MAGI1: variants seen among roughly 807,000 people sequenced by gnomAD.
MAGI1 encodes membrane associated guanylate kinase, WW and PDZ domain containing 1, also known as membrane-associated guanylate kinase, WW and PDZ domain-containing protein 1.
MAGI1 carries 58 observed loss-of-function variants against 139.9 expected under a neutral mutation model. The ratio of observed to expected loss-of-function variants is 0.41; its 90% CI spans 0.34 to 0.52. MAGI1 has a LOEUF of 0.52. Among genes scored for constraint, MAGI1 ranks in the 20% least tolerant of loss-of-function variants. The pLI is 0.12. For synonymous variants in MAGI1, 812 were observed against 737.9 expected (o/e 1.10, Z -1.63); for missense variants, 1,874 against 1,901.6 (o/e 0.99, Z 0.27).
chr3:65,508,731 G>T (rs973528086), intron 2 of MAGI1, among the ~76,000 whole-genome samples: 8 of 152,156 alleles, frequency 5.3e-5, no homozygotes, highest in African/African-American at 1.4e-4. Context: ...AAAAGGAAAT[G>T]GATACCTTTG....
At chr3:65,478,906 G>A in intron 3 of MAGI1, 108 bp from the exon 4 acceptor site, 1 of 791,892 alleles carries the variant, frequency 1.3e-6, no homozygotes, top group Non-Finnish European at 2.1e-6. Flanking sequence ...AATTAAACTA[G>A]AAAACCAGAA....
At chr3:65,725,761 G>A (rs1221955321) in intron 1 of MAGI1, among the ~76,000 whole-genome samples, 1 of 152,152 alleles carries the variant, frequency 6.6e-6, no homozygotes, top group East Asian at 1.9e-4. Flanking sequence ...ACTTAAAATG[G>A]GAGCAGCACA....
At chr3:65,662,639 T>C (rs1481330509) in intron 1 of MAGI1, among the ~76,000 whole-genome samples, 1 of 152,224 alleles carries the variant, frequency 6.6e-6, no homozygotes. Context: ...TTGATATGCA[T>C]ATAAGTACTG....
rs1559517701 is a variant in MAGI1, at chr3:65,391,253, C to T, written c.2305G>A (p.Glu769Lys). The T allele has an allele frequency of 1.9e-6, 3 of 1,614,106 alleles. No individual in the cohort carries two copies. The highest frequency in any genetic ancestry group is 2.2e-5 in the East Asian group (1 of 44,862). The change falls in exon 14 of 23, where the codon GAG (glutamate) becomes AAG (lysine). Residue 769 changes from glutamate (E) to lysine (K), a missense_variant. By Grantham distance (56) the Glu-to-Lys change is moderately conservative. Around this residue, in one of 5 missense-constraint regions of MAGI1, gnomAD observed 482 missense variants for 509.6 expected, o/e 0.95. Coordinates refer to ENST00000402939, the MANE Select transcript of MAGI1 (RefSeq NM_001033057.2). ...SPSHSTQVLPEFPPAEAQAPD... is the reference protein window; with the variant it reads ...SPSHSTQVLPKFPPAEAQAPD... ...GCTTGGGCCTCTGCAGGTGGGAACTCGGGGAGCACCTGTGTGCTGTGGCTT... is the reference window on the plus strand; with the variant it reads ...GCTTGGGCCTCTGCAGGTGGGAACTTGGGGAGCACCTGTGTGCTGTGGCTT...
Position 65,470,438 on chromosome 3 carries a change from T to A in MAGI1, c.804A>T (p.Leu268Phe). 1 of 1,613,398 alleles carries A rather than the reference T, an allele frequency of 6.2e-7. No individual in the cohort carries two copies. The highest frequency in any genetic ancestry group is 8.5e-7 in the Non-Finnish European group (1 of 1,179,890). Residue 268 changes from leucine to phenylalanine, a missense_variant, in exon 5 of 23, where the codon TTA (leucine) becomes TTT (phenylalanine). Leu to Phe is a conservative substitution (Grantham distance 22). This residue lies in a region of MAGI1 where 648 missense variants were observed against 598.1 expected (regional missense o/e 1.08). Transcript: ENST00000402939. ...QEEHTLQETA[L>F]PPVNSSIIAA... ...CGATGATGCTACTATTCACAGGTGG[T>A]AATGCTGTTTCTTGGAGAGTGTGCT... is the stretch of plus-strand genomic sequence containing the variant.
At chr3:65,693,483 G>C (rs1559793311) in intron 1 of MAGI1, among the ~76,000 whole-genome samples, 1 of 152,094 alleles carries the variant, frequency 6.6e-6, no homozygotes, top group East Asian at 1.9e-4. Flanking sequence ...TTCTAAGAAG[G>C]CCAAGTGAGA....
At chr3:65,491,313 T>G (rs1015346125) in intron 3 of MAGI1, among the ~76,000 whole-genome samples, 3 of 152,202 alleles carry the variant, frequency 2.0e-5, no homozygotes, top group Non-Finnish European at 4.4e-5. Flanking sequence ...TAGCCGCCTC[T>G]GTTGCAATGA....
rs139483523 is a variant in MAGI1 at position 65,525,700 on chromosome 3, A to C, written c.431-32069T>G. Among the ~76,000 whole-genome samples, 583 of 152,340 alleles carry C rather than the reference A, an allele frequency of 3.8e-3. 5 individuals are homozygous for C. The highest frequency in any genetic ancestry group is 0.014 in the African/African-American group (563 of 41,584). On this transcript the variant is annotated intron_variant, in intron 2 of 22. Transcript: ENST00000402939. ...CCTGAGTTGTAAAAATTTATGAAAA[A>C]ACAAAAGAACAAAACAACTTACCTT...
rs1940116615 is a variant in MAGI1, at chr3:65,354,512, A to G, written c.*1866T>C. The G allele has an allele frequency of 6.5e-6, 1 of 152,696 alleles. No homozygotes were observed. The highest frequency in any genetic ancestry group is 2.4e-5 in the African/African-American group (1 of 41,468). 9.5% of individuals were successfully genotyped at this position (152,696 alleles called of 1,614,324 possible). On this transcript the variant is annotated 3_prime_UTR_variant, in exon 23 of 23. Transcript: ENST00000402939. ...TCAATACAGAAAGAGCATTAAGTCC[A>G]TAGCACACTGCAAGAAATAAATGAG...
rs1182769653 is a variant in MAGI1 at position 65,364,708 on chromosome 3, T to C, written c.3308A>G (p.Lys1103Arg). The C allele has an allele frequency of 1.9e-6, 3 of 1,614,010 alleles. No individual in the cohort carries two copies. Among genetic ancestry groups the C allele is most frequent in the African/African-American group, 1.3e-5 (1 of 74,914 alleles). ...TQETRNTTKP[K>R]QESQFEFKAP... Reference sequence around the variant, plus strand: ...TTTGAACTCAAATTGAGATTCCTGCTTTGGTTTGGTGGTATTCCTGCCAAA... The same window carrying C: ...TTTGAACTCAAATTGAGATTCCTGCCTTGGTTTGGTGGTATTCCTGCCAAA... The change falls in exon 20 of 23, where the codon AAG (lysine) becomes AGG (arginine). Residue 1103 changes from lysine (K) to arginine (R), a missense_variant. Physicochemically the swap from Lys to Arg is conservative, Grantham distance 26 (BLOSUM62 2). This residue lies in a region of MAGI1 where 653 missense variants were observed against 644.5 expected (regional missense o/e 1.01). Transcript: ENST00000402939.
chr3:65,749,161 A>G (rs2035937315), intron 1 of MAGI1, among the ~76,000 whole-genome samples: 1 of 152,162 alleles, frequency 6.6e-6, no homozygotes, highest in Non-Finnish European at 1.5e-5. Context: ...GATGCAAGGC[A>G]CTCAGTGGTA....
intron 1 of MAGI1, among the ~76,000 whole-genome samples, chr3:65,699,566 T>C (rs1344480802): frequency 1.4e-5 from 2 of 147,398 alleles, no homozygotes; most frequent in East Asian, 2.0e-4. Context: ...GATGAGTTCA[T>C]GTCCTTTGTA....
chr3:65,704,114 C>A (rs572230507), intron 1 of MAGI1, among the ~76,000 whole-genome samples: 108 of 152,210 alleles, frequency 7.1e-4, no homozygotes, highest in Admixed American at 2.0e-3. Context: ...TCCACTATTC[C>A]CTTTTACTAA....
chr3:65,669,353 G>C (rs1419653676), intron 1 of MAGI1, among the ~76,000 whole-genome samples: 3 of 152,206 alleles, frequency 2.0e-5, no homozygotes, highest in Non-Finnish European at 4.4e-5. Context: ...TGAGAGGAAT[G>C]AGCAGGAAGG....
chr3:65,472,390 T>C (rs1950606335), intron 4 of MAGI1, among the ~76,000 whole-genome samples: 3 of 152,140 alleles, frequency 2.0e-5, no homozygotes, highest in African/African-American at 7.2e-5. Context: ...TGGGGTAAGG[T>C]TCCAAAATGT....
chr3:65,454,613 A>T (rs993521950), intron 5 of MAGI1, among the ~76,000 whole-genome samples: 1 of 151,030 alleles, frequency 6.6e-6, no homozygotes, highest in Non-Finnish European at 1.5e-5. Flanking sequence ...AAGTTCAGGC[A>T]GTAACTTAAA....
chr3:65,387,083 T>C, intron 14 of MAGI1: 1 of 1,459,524 alleles, frequency 6.9e-7, no homozygotes, highest in South Asian at 1.1e-5. Context: ...CCCAGACCAA[T>C]GAGAACATCA....
intron 2 of MAGI1, among the ~76,000 whole-genome samples, chr3:65,620,793 C>A (rs1453827941): frequency 6.6e-6 from 1 of 152,192 alleles, no homozygotes. Context: ...AAGTTACTTG[C>A]AGCAAACCTC....
At chr3:65,413,660 C>T (rs112240233) in intron 12 of MAGI1, among the ~76,000 whole-genome samples, 1 of 152,126 alleles carries the variant, frequency 6.6e-6, no homozygotes, top group Admixed American at 6.5e-5. Context: ...CTATGAAGGG[C>T]AGGAGACGCT....
Sources: gnomAD v4.1 joint callset for allele counts (sites outside exome capture counted in the v4.1 genomes callset) on GRCh38, gnomAD v4.1.1 for gene constraint, gnomAD v4.1.1 regional missense constraint, MANE v1.5 for transcripts, NCBI Gene and HGNC (gene_info 2026-07-23, HGNC 2026-07-21) for gene names.